The following SLC25A21 variants were observed in gnomAD, a reference collection of about 807,000 sequenced individuals.
SLC25A21 encodes the protein mitochondrial 2-oxodicarboxylate carrier.
A neutral mutation model predicts 43.8 loss-of-function variants in SLC25A21; 47 were observed. The ratio of observed to expected loss-of-function variants is 1.07; its 90% confidence interval spans 0.85 to 1.37. The LOEUF (loss-of-function observed/expected upper bound fraction) is 1.37. Ranked by LOEUF, SLC25A21 falls within the 40% of genes most tolerant of loss-of-function variation. The probability of loss-of-function intolerance (pLI) is 0.00; values close to 1 mark genes in which losing one functional copy is unlikely to be tolerated. For missense variants in SLC25A21, 352 were observed against 350.2 expected, an observed-to-expected ratio of 1.00 and a Z score of -0.04; for synonymous variants, 131 against 121.3, an observed-to-expected ratio of 1.08 and a Z score of -0.52.
At chr14:36,684,455 A>G (rs1250796029) in intron 8 of SLC25A21, among the ~76,000 whole-genome samples, 2 of 152,184 alleles carry the variant, frequency 1.3e-5, no homozygotes, top group Admixed American at 6.5e-5. Context: ...TTCTGCCTAT[A>G]TATTAGAAGG....
chr14:37,116,350 C>T (rs891890102), intron 1 of SLC25A21, among the ~76,000 whole-genome samples: 7 of 152,150 alleles, frequency 4.6e-5, no homozygotes, highest in Non-Finnish European at 8.8e-5. Flanking sequence ...AATGCATATA[C>T]ATTCACTTTG....
chr14:36,770,565 G>T lies in SLC25A21; in HGVS notation c.204-35992C>A, dbSNP rs1182336870. On this transcript the variant is annotated intron_variant, in intron 3 of 9. Transcript: ENST00000331299. ...AGAAAAATAAGAATCGTCCTGCTTG[G>T]TTTACATCTATTTCAGAAAGCATTA... Among the ~76,000 whole-genome samples the T allele has an allele frequency of 3.9e-5, 6 of 152,188 alleles. No homozygotes were observed. In the East Asian group the frequency reaches 7.7e-4, roughly 20 times the overall value.
chr14:36,683,942 C>G, intron 8 of SLC25A21, 62 bp from the exon 9 acceptor site: 1 of 1,299,520 alleles, frequency 7.7e-7, no homozygotes. Flanking sequence ...TGTACCTTAG[C>G]TTTATTGAGA....
At chr14:37,074,871 T>C (rs1813733487) in intron 1 of SLC25A21, among the ~76,000 whole-genome samples, 1 of 152,104 alleles carries the variant, frequency 6.6e-6, no homozygotes, top group Admixed American at 6.5e-5. Context: ...TCGTCACTCA[T>C]TGCTTCATTT....
intron 2 of SLC25A21, among the ~76,000 whole-genome samples, chr14:36,867,051 G>C (rs975412570): frequency 1.3e-5 from 2 of 152,026 alleles, no homozygotes; most frequent in African/African-American, 4.8e-5. Context: ...GGAGTCTGGG[G>C]TTTCACTTCC....
intron 6 of SLC25A21, among the ~76,000 whole-genome samples, chr14:36,715,889 C>T (rs559910824): frequency 1.3e-5 from 2 of 152,034 alleles, no homozygotes; most frequent in South Asian, 2.1e-4. Context: ...GTCAGGAGTG[C>T]GAGACCAGCT....
chr14:36,872,945 T>C (rs1456918561), intron 2 of SLC25A21, among the ~76,000 whole-genome samples: 1 of 152,198 alleles, frequency 6.6e-6, no homozygotes, highest in Non-Finnish European at 1.5e-5. Context: ...GAAACCCACA[T>C]GCACTAGATG....
At chr14:36,714,023 G>GA (rs1285646424) in intron 6 of SLC25A21, among the ~76,000 whole-genome samples, 11 of 150,582 alleles carry the variant, frequency 7.3e-5, no homozygotes, top group South Asian at 2.1e-4. Flanking sequence ...AACAAAAAAA[G>GA]AAAAAAAAAT....
At chr14:36,740,719 G>A (rs1885219603) in intron 3 of SLC25A21, among the ~76,000 whole-genome samples, 1 of 148,420 alleles carries the variant, frequency 6.7e-6, no homozygotes, top group Admixed American at 6.9e-5. Flanking sequence ...CTGTATGGAA[G>A]CAAGGAAATG....
intron 1 of SLC25A21, among the ~76,000 whole-genome samples, chr14:37,167,973 A>G (rs1162203787): frequency 1.3e-5 from 2 of 152,014 alleles, no homozygotes; most frequent in Non-Finnish European, 2.9e-5. Flanking sequence ...GCTGGCTCTG[A>G]GTGAATTACT....
intron 1 of SLC25A21, among the ~76,000 whole-genome samples, chr14:37,012,245 T>C (rs1960749896): frequency 6.6e-6 from 1 of 152,224 alleles, no homozygotes; most frequent in Non-Finnish European, 1.5e-5. Flanking sequence ...GTCTATATAA[T>C]AAAAATTGTT....
intron 1 of SLC25A21, among the ~76,000 whole-genome samples, chr14:37,023,344 T>C (rs550321825): frequency 8.5e-5 from 13 of 152,078 alleles, no homozygotes; most frequent in South Asian, 2.1e-4. Flanking sequence ...TAGGGCACAA[T>C]TGGACACCCA....
intron 1 of SLC25A21, among the ~76,000 whole-genome samples, chr14:37,141,954 C>G (rs987192227): frequency 6.6e-6 from 1 of 152,142 alleles, no homozygotes; most frequent in Admixed American, 6.5e-5. Context: ...CCCAGAGGTT[C>G]TGATGTAGTC....
intron 1 of SLC25A21, among the ~76,000 whole-genome samples, chr14:37,112,727 G>A (rs558217654): frequency 6.6e-6 from 1 of 152,244 alleles, no homozygotes; most frequent in East Asian, 1.9e-4. Context: ...TTGAGGCTAG[G>A]ACAAGAACAG....
At chr14:37,168,916 T>C (rs1964075293) in intron 1 of SLC25A21, among the ~76,000 whole-genome samples, 1 of 152,158 alleles carries the variant, frequency 6.6e-6, no homozygotes, top group Non-Finnish European at 1.5e-5. Context: ...TTTCTCCAAG[T>C]GAAAGGGTAG....
At chr14:37,122,159 C>T (rs987813596) in intron 1 of SLC25A21, among the ~76,000 whole-genome samples, 3 of 152,120 alleles carry the variant, frequency 2.0e-5, no homozygotes, top group African/African-American at 7.2e-5. Context: ...CTAAAGTGTA[C>T]CTTGCAGGAC....
chr14:36,750,044 T>A (rs1397734112), intron 3 of SLC25A21, among the ~76,000 whole-genome samples: 1 of 152,158 alleles, frequency 6.6e-6, no homozygotes, highest in African/African-American at 2.4e-5. Context: ...GGACCAAATA[T>A]AGGACCTGAC....
intron 1 of SLC25A21, among the ~76,000 whole-genome samples, chr14:36,910,982 A>G (rs1891672096): frequency 2.0e-5 from 3 of 152,226 alleles, no homozygotes; most frequent in Admixed American, 2.0e-4. Context: ...AGGTTTTAAT[A>G]TGATCAAAAG....
At chr14:37,146,424 T>G (rs1963665898) in intron 1 of SLC25A21, among the ~76,000 whole-genome samples, 1 of 152,098 alleles carries the variant, frequency 6.6e-6, no homozygotes, top group Non-Finnish European at 1.5e-5. Flanking sequence ...CTTCTGTATT[T>G]TTAGTAGAAA....
Sources: allele counts gnomAD v4.1 joint callset (sites outside exome capture counted in the v4.1 genomes callset), GRCh38; gene constraint gnomAD v4.1.1; transcripts MANE v1.5; gene names NCBI Gene and HGNC (gene_info 2026-07-23, HGNC 2026-07-21).